Variants in ZFAND3 observed in about 807,000 individuals in gnomAD.
ZFAND3 encodes AN1-type zinc finger protein 3.
A neutral mutation model predicts 29.6 loss-of-function variants in ZFAND3; 10 were observed. The observed-to-expected ratio is 0.34, with a 90% CI of 0.21 to 0.57. The LOEUF (loss-of-function observed/expected upper bound fraction) is 0.57. Ranked by LOEUF, ZFAND3 falls within the 20% of genes least tolerant of loss-of-function variation. The probability of loss-of-function intolerance (pLI) is 0.86; values close to 1 mark genes in which losing one functional copy is unlikely to be tolerated. For synonymous variants in ZFAND3, 128 were observed against 112.6 expected, an observed-to-expected ratio of 1.14 and a Z score of -0.87; for missense variants, 230 against 304.5, an observed-to-expected ratio of 0.76 and a Z score of 1.82.
chr6:38,096,853 CTTAT>C (rs144578409), intron 4 of ZFAND3, among the ~76,000 whole-genome samples: 2,178 of 152,044 alleles, frequency 0.014, 42 homozygotes, highest in African/African-American at 0.048. Context: ...ATGTTCTTTC[CTTAT>C]TTATGTATAT....
intron 1 of ZFAND3, among the ~76,000 whole-genome samples, chr6:37,918,984 C>T (rs573427447): frequency 9.0e-5 from 9 of 99,870 alleles, no homozygotes; most frequent in African/African-American, 2.3e-4. Context: ...GACGGAGTCT[C>T]GCTCTGTTGC....
chr6:38,121,588 TC>T (rs1026019280), intron 5 of ZFAND3, among the ~76,000 whole-genome samples: 1 of 152,178 alleles, frequency 6.6e-6, no homozygotes, highest in Non-Finnish European at 1.5e-5. Context: ...ATCCCTCCCC[TC>T]ACCTATTTTT....
chr6:37,912,267 TC>T (rs137890770), intron 1 of ZFAND3, among the ~76,000 whole-genome samples: 9 of 152,154 alleles, frequency 5.9e-5, no homozygotes, highest in Non-Finnish European at 8.8e-5. Context: ...TTTTAATACT[TC>T]CGCCAGAGTC....
intron 2 of ZFAND3, among the ~76,000 whole-genome samples, chr6:38,046,074 G>A (rs906910064): frequency 3.9e-5 from 6 of 152,152 alleles, no homozygotes; most frequent in East Asian, 1.9e-4. Flanking sequence ...AATAAGTACC[G>A]GTGATGATGA....
chr6:38,078,730 A>G (rs1301586338), intron 3 of ZFAND3, among the ~76,000 whole-genome samples: 1 of 152,188 alleles, frequency 6.6e-6, no homozygotes, highest in Non-Finnish European at 1.5e-5. Flanking sequence ...CAACACACAC[A>G]CATACGTACT....
intron 1 of ZFAND3, among the ~76,000 whole-genome samples, chr6:37,853,596 T>C (rs1035911079): frequency 6.6e-6 from 1 of 152,134 alleles, no homozygotes; most frequent in African/African-American, 2.4e-5. Flanking sequence ...GGAAAATGAA[T>C]TCTGAGTTCC....
intron 1 of ZFAND3, among the ~76,000 whole-genome samples, chr6:37,897,482 A>G (rs1561926346): frequency 6.6e-6 from 1 of 152,222 alleles, no homozygotes; most frequent in Non-Finnish European, 1.5e-5. Context: ...ATGTTGCTTT[A>G]TATGTCTCTT....
intron 5 of ZFAND3, among the ~76,000 whole-genome samples, chr6:38,144,828 A>G (rs1366033037): frequency 6.6e-6 from 1 of 152,226 alleles, no homozygotes; most frequent in Non-Finnish European, 1.5e-5. Context: ...ATTATAGTCC[A>G]AAAGTATCCA....
At chr6:38,135,247 G>A (rs1562012284) in intron 5 of ZFAND3, among the ~76,000 whole-genome samples, 1 of 152,218 alleles carries the variant, frequency 6.6e-6, no homozygotes, top group East Asian at 1.9e-4. Context: ...GGATAGTTGA[G>A]ACTGACCATG....
At chr6:37,974,657 A>G (rs1762450783) in intron 2 of ZFAND3, among the ~76,000 whole-genome samples, 1 of 152,102 alleles carries the variant, frequency 6.6e-6, no homozygotes, top group Non-Finnish European at 1.5e-5. Context: ...TGGTCTCCCA[A>G]AGTGCTGGAA....
intron 4 of ZFAND3, among the ~76,000 whole-genome samples, chr6:38,112,069 T>G (rs1028285067): frequency 4.6e-5 from 7 of 152,190 alleles, no homozygotes; most frequent in African/African-American, 1.7e-4. Context: ...GGCAAAATCC[T>G]TCTTCTTAAG....
chr6:38,045,089 T>G (rs1426347615), intron 2 of ZFAND3, among the ~76,000 whole-genome samples: 13 of 149,532 alleles, frequency 8.7e-5, no homozygotes, highest in African/African-American at 3.0e-4. Flanking sequence ...TTTATTTATT[T>G]ATTTATTTAT....
At chr6:37,868,972 G>A (rs1332589336) in intron 1 of ZFAND3, among the ~76,000 whole-genome samples, 2 of 152,142 alleles carry the variant, frequency 1.3e-5, no homozygotes, top group African/African-American at 4.8e-5. Flanking sequence ...GTGAATATTC[G>A]CATTTGATAA....
intron 2 of ZFAND3, among the ~76,000 whole-genome samples, chr6:38,008,311 G>A (rs1763085608): frequency 1.3e-5 from 2 of 152,144 alleles, no homozygotes; most frequent in Non-Finnish European, 2.9e-5. Context: ...ATGCATGGCT[G>A]TATCTAAAGG....
intron 2 of ZFAND3, among the ~76,000 whole-genome samples, chr6:38,055,571 C>T (rs1436704003): frequency 6.6e-6 from 1 of 152,108 alleles, no homozygotes; most frequent in African/African-American, 2.4e-5. Context: ...TCACAGGAGG[C>T]GCTTAATTCT....
intron 1 of ZFAND3, among the ~76,000 whole-genome samples, chr6:37,833,346 A>G (rs1358777692): frequency 6.6e-6 from 1 of 152,052 alleles, no homozygotes; most frequent in Non-Finnish European, 1.5e-5. Flanking sequence ...GCCCCCAAGA[A>G]TCCCTCTTCC....
chr6:38,061,712 C>G lies in ZFAND3; in HGVS notation c.232C>G (p.Leu78Val), dbSNP rs751701061. Reference protein sequence around the residue: ...NNNTSITTPTLSPSQQPLPTE... With the variant: ...NNNTSITTPTVSPSQQPLPTE... ...CAATACCTCGATAACCACGCCAACT[C>G]TTAGTCCCAGCCAGCAGCCGCTTCC... The change falls in exon 3 of 6, where the codon CTT becomes GTT. Residue 78 changes from leucine to valine, a missense_variant. Around this residue, in one of 2 missense-constraint regions of ZFAND3, gnomAD observed 180 missense variants for 202.5 expected, o/e 0.89. Coordinates refer to ENST00000287218, the MANE Select transcript of ZFAND3 (RefSeq NM_021943.3). The G allele has an allele frequency of 1.2e-5, 19 of 1,614,152 alleles. No individual in the cohort carries two copies. In the Admixed American group the frequency reaches 2.7e-4, roughly 23 times the overall value.
At chr6:37,990,186 T>A (rs1342077439) in intron 2 of ZFAND3, among the ~76,000 whole-genome samples, 1 of 152,202 alleles carries the variant, frequency 6.6e-6, no homozygotes, top group East Asian at 1.9e-4. Flanking sequence ...TTTTCGTTTT[T>A]AGTAAGTTTT....
intron 1 of ZFAND3, among the ~76,000 whole-genome samples, chr6:37,824,300 A>G (rs1162150102): frequency 2.6e-5 from 4 of 152,232 alleles, no homozygotes; most frequent in African/African-American, 4.8e-5. Context: ...TTTAAACTAT[A>G]CAGATATAAG....
Sources: gnomAD v4.1 joint callset for allele counts (sites outside exome capture counted in the v4.1 genomes callset) on GRCh38, gnomAD v4.1.1 for gene constraint, gnomAD v4.1.1 regional missense constraint, MANE v1.5 for transcripts, NCBI Gene and HGNC (gene_info 2026-07-23, HGNC 2026-07-21) for gene names.